C8orf74: variants seen among roughly 807,000 people sequenced by gnomAD.
C8orf74 encodes uncharacterized protein C8orf74.
In C8orf74, 29 loss-of-function variants were observed where a neutral mutation model predicts 22.2. The ratio of observed to expected loss-of-function variants is 1.31; its 90% CI spans 0.97 to 1.78. The LOEUF is 1.78. Ranked by LOEUF, C8orf74 falls within the 40% of genes most tolerant of loss-of-function variation. The pLI is 0.00. For synonymous variants in C8orf74, 255 were observed against 163.1 expected (o/e 1.56, Z -4.30); for missense variants, 515 against 369.9 (o/e 1.39, Z -3.22).
At chr8:10,677,930 A>T (rs966600558) in intron 2 of C8orf74, among the ~76,000 whole-genome samples, 3 of 152,190 alleles carry the variant, frequency 2.0e-5, no homozygotes, top group Admixed American at 6.5e-5. Flanking sequence ...AGGATCTCAC[A>T]GTCACCCCCA....
At position 10,690,142 on chromosome 8, in the gene C8orf74, G is replaced by A. The variant is rs527996551; in HGVS notation, c.242-7457G>A. Among the ~76,000 whole-genome samples the A allele has an allele frequency of 2.6e-5, 4 of 152,326 alleles. No individual in the cohort carries two copies. In the East Asian group the frequency reaches 5.8e-4, roughly 22 times the overall value. On this transcript the variant is annotated intron_variant, in intron 2 of 3. Transcript: ENST00000304519. Reference sequence around the variant, plus strand: ...AAGACCCCAAAGCCGCTTGGAGCTGGATGGCCTGGAGTCTGAATACCACCT... The same window carrying A: ...AAGACCCCAAAGCCGCTTGGAGCTGAATGGCCTGGAGTCTGAATACCACCT...
chr8:10,684,340 G>C (rs1799216842), intron 2 of C8orf74, among the ~76,000 whole-genome samples: 1 of 152,202 alleles, frequency 6.6e-6, no homozygotes, highest in Non-Finnish European at 1.5e-5. Flanking sequence ...CTTGAGAAAT[G>C]GCGGCAAGGA....
At chr8:10,675,690 A>T (rs1323270884) in intron 2 of C8orf74, 1 of 152,232 alleles carries the variant, frequency 6.6e-6, no homozygotes, top group African/African-American at 2.4e-5. Flanking sequence ...GCCTGGTCAG[A>T]CGCAGTGAGC....
At chr8:10,685,553 A>G (rs1484449321) in intron 2 of C8orf74, among the ~76,000 whole-genome samples, 2 of 152,238 alleles carry the variant, frequency 1.3e-5, no homozygotes, top group African/African-American at 4.8e-5. Context: ...AAAAGAATAA[A>G]TATCGTATGA....
chr8:10,688,112 G>A (rs150765874), intron 2 of C8orf74, among the ~76,000 whole-genome samples: 3,128 of 151,820 alleles, frequency 0.021, 100 homozygotes, highest in African/African-American at 0.067. Flanking sequence ...GGCTGAGGCA[G>A]GAGGATCACT....
intron 2 of C8orf74, among the ~76,000 whole-genome samples, chr8:10,683,759 A>G (rs1387709211): frequency 2.0e-5 from 3 of 152,194 alleles, no homozygotes; most frequent in African/African-American, 7.2e-5. Flanking sequence ...GACATCCAGG[A>G]ATCCCGTCTT....
intron 2 of C8orf74, among the ~76,000 whole-genome samples, chr8:10,676,477 G>A (rs891506527): frequency 6.6e-6 from 1 of 152,186 alleles, no homozygotes; most frequent in Non-Finnish European, 1.5e-5. Flanking sequence ...AACAGCGAGT[G>A]CTTTTTCAGA....
At position 10,698,005 on chromosome 8, in the gene C8orf74, G is replaced by C. The variant is rs75843595; in HGVS notation, c.648G>C (p.Gln216His). Residue 216 changes from glutamine (Q) to histidine (H), a missense_variant and splice_region_variant, in exon 3 of 4, where the codon CAG becomes CAC. Transcript: ENST00000304519. ...AGCCCGGCCAGGTCCTGGAGAGACA[G>C]GTGAGGCTCTGCCCCCCTGCCGTGG... ...PAQPGQVLER[Q>H]ELESLICQAV... is the part of the protein sequence containing the mutation. 2.3e-3 allele frequency: 3,325 copies of C among 1,471,612 alleles called. 30 individuals carry two copies. The African/African-American group carries it at 0.033, about 15-fold the overall frequency. The allele number at this position is 1,471,612 out of a possible 1,614,324, so 91.2% of individuals were successfully genotyped here.
rs1169853898 is a variant in C8orf74 at position 10,687,229 on chromosome 8, C to T, written c.242-10370C>T. Reference sequence around the variant, plus strand: ...AAGCACCACATATGCATGCTGTCGCCTAATCTCACGAGGTAGAGATTTTTA... The same window carrying T: ...AAGCACCACATATGCATGCTGTCGCTTAATCTCACGAGGTAGAGATTTTTA... On this transcript the variant is annotated intron_variant, in intron 2 of 3. Transcript: ENST00000304519. 3.2e-5 allele frequency: 13 copies of T among 410,166 alleles called. No individual in the cohort carries two copies. In the Admixed American group the frequency reaches 3.5e-4, roughly 11 times the overall value. The allele number at this position is 410,166 out of a possible 1,614,324, so 25.4% of individuals were successfully genotyped here. A position where few individuals can be genotyped will look rare whatever the true frequency, so the allele number is the denominator to read the frequency against.
At chr8:10,688,345 C>T (rs949389125) in intron 2 of C8orf74, 1 of 152,194 alleles carries the variant, frequency 6.6e-6, no homozygotes, top group South Asian at 2.1e-4. Context: ...ATAAAAAAGA[C>T]AAAGAAAGAG....
rs778382431 is a variant in C8orf74 at position 10,674,664 on chromosome 8, C to T, written c.67C>T (p.Arg23Cys). The change falls in exon 2 of 4, where the codon CGC becomes TGC. Residue 23 changes from arginine to cysteine, a missense_variant. Physicochemically the swap from Arg to Cys is radical, Grantham distance 180. Coordinates refer to ENST00000304519, the MANE Select transcript of C8orf74 (RefSeq NM_001040032.2). The stretch of plus-strand genomic sequence containing the variant: ...CCTGCAGAGACCACAAGGTCGGGAG[C>T]GCCTGCGGAGGCTTCTGAACTGGGA... ...FQLQRPQGRE[R>C]LRRLLNWEEF... The T allele has an allele frequency of 2.5e-5, 41 of 1,608,610 alleles. No individual in the cohort carries two copies. The highest frequency in any genetic ancestry group is 1.1e-4 in the South Asian group (10 of 89,714).
chr8:10,691,140 G>C (rs1039182958), intron 2 of C8orf74: 1 of 354,698 alleles, frequency 2.8e-6, no homozygotes. Context: ...AACCAGCCAA[G>C]AGTGTCTGGG....
Position 10,697,927 on chromosome 8 carries a change from C to T in C8orf74, c.570C>T (p.Arg190=), listed in dbSNP as rs994460336. ...ADVLLLKEAL[R]LERENSLQKA... Reference sequence around the variant, plus strand: ...TGCTGCTCCTGAAAGAGGCGCTGCGCCTGGAGCGGGAGAACTCGCTGCAGA... The same window carrying T: ...TGCTGCTCCTGAAAGAGGCGCTGCGTCTGGAGCGGGAGAACTCGCTGCAGA... The change falls in exon 3 of 4, where the codon CGC becomes CGT. Residue 190 remains arginine, a synonymous_variant. Transcript: ENST00000304519. 6.3e-7 allele frequency: 1 copy of T among 1,595,098 alleles called. No homozygotes were observed.
chr8:10,696,955 T>C (rs1446544341), intron 2 of C8orf74, among the ~76,000 whole-genome samples: 1 of 126,916 alleles, frequency 7.9e-6, no homozygotes, highest in African/African-American at 4.5e-5. Flanking sequence ...TGCCCAGGAG[T>C]TCGAAAAAAA....
chr8:10,678,360 C>T (rs138335655), intron 2 of C8orf74, among the ~76,000 whole-genome samples: 11 of 152,278 alleles, frequency 7.2e-5, no homozygotes, highest in African/African-American at 2.6e-4. Context: ...AGGAAGCGCC[C>T]AGTGAGTGGC....
At chr8:10,675,567 G>T (rs560726343) in intron 2 of C8orf74, 1 of 152,210 alleles carries the variant, frequency 6.6e-6, no homozygotes, top group African/African-American at 2.4e-5. Context: ...AACATCCTTC[G>T]TAGTGACAAA....
intron 2 of C8orf74, among the ~76,000 whole-genome samples, chr8:10,678,120 C>A (rs2129056370): frequency 6.6e-6 from 1 of 152,286 alleles, no homozygotes; most frequent in Non-Finnish European, 1.5e-5. Flanking sequence ...CTTCCCATGC[C>A]TGAAATTAAA....
At chr8:10,681,753 T>A (rs2129056847) in intron 2 of C8orf74, among the ~76,000 whole-genome samples, 1 of 152,300 alleles carries the variant, frequency 6.6e-6, no homozygotes, top group African/African-American at 2.4e-5. Context: ...AGGAAGAACC[T>A]TTGCATATGG....
intron 2 of C8orf74, 90 bp downstream of exon 2, chr8:10,674,928 C>G (rs1479872789): frequency 8.7e-7 from 1 of 1,149,014 alleles, no homozygotes; most frequent in African/African-American, 1.6e-5. Context: ...GCCCCAGCAG[C>G]CTTGGAGGAG....
Sources: allele counts gnomAD v4.1 joint callset (sites outside exome capture counted in the v4.1 genomes callset), GRCh38; gene constraint gnomAD v4.1.1; transcripts MANE v1.5; gene names NCBI Gene and HGNC (gene_info 2026-07-23, HGNC 2026-07-21).